Variants in PVT1 observed in about 807,000 individuals in gnomAD.
PVT1 encodes CXCR4/PVT1 fusion.
chr8:128,052,935 C>A (rs1474598557), intron 4 of PVT1, among the ~76,000 whole-genome samples: 1 of 152,236 alleles, frequency 6.6e-6, no homozygotes, highest in Non-Finnish European at 1.5e-5. Context: ...GATTTTAAAC[C>A]TCACAGTGGC....
intron 3 of PVT1, among the ~76,000 whole-genome samples, chr8:127,988,011 G>C (rs1042021137): frequency 1.3e-5 from 2 of 152,152 alleles, no homozygotes; most frequent in African/African-American, 4.8e-5. Flanking sequence ...GGGAGGAGGC[G>C]AGGACTCTGA....
chr8:128,094,626 G>A (rs79957048), intron 5 of PVT1, among the ~76,000 whole-genome samples: 2 of 152,210 alleles, frequency 1.3e-5, no homozygotes, highest in Non-Finnish European at 2.9e-5. Context: ...CCTACCCATC[G>A]TGTGTGGGTA....
At position 127,997,052 on chromosome 8, in the gene PVT1, TTTTTGTTTGTTTG is replaced by T. The variant is rs1159415055; in HGVS notation, n.912+7766_912+7778del. On this transcript the variant is annotated intron_variant and non_coding_transcript_variant, in intron 4 of 10. Transcript: ENST00000651587. ...ACTGGTCATTTGCTTTCGTTTTTTT[TTTTTGTTTGTTTG>T]TTTTTTGATACAGAGTTTCACTCTT... Among the ~76,000 whole-genome samples, 3 of 132,960 alleles carry T rather than the reference TTTTTGTTTGTTTG, an allele frequency of 2.3e-5. 1 individual carries two copies. Among genetic ancestry groups the T allele is most frequent in the Non-Finnish European group, 3.2e-5 (2 of 61,740 alleles). The allele number at this position is 132,960 out of a possible 152,430, so 87.2% of individuals were successfully genotyped here.
At chr8:127,948,078 C>T (rs1487321573) in intron 3 of PVT1, 1 of 378,606 alleles carries the variant, frequency 2.6e-6, no homozygotes, top group African/African-American at 2.1e-5. Context: ...TTTTAGCTTT[C>T]TTCTGCCAGC....
At chr8:128,056,068 C>A (rs1586500696) in intron 4 of PVT1, among the ~76,000 whole-genome samples, 1 of 152,164 alleles carries the variant, frequency 6.6e-6, no homozygotes, top group East Asian at 1.9e-4. Context: ...CTCTGCTTAA[C>A]CTCTTGGGTT....
chr8:127,829,912 T>A (rs1814831887), intron 2 of PVT1, among the ~76,000 whole-genome samples: 1 of 152,186 alleles, frequency 6.6e-6, no homozygotes, highest in Non-Finnish European at 1.5e-5. Context: ...TCTTCTTGCC[T>A]CCTCTTGGTT....
chr8:127,933,224 C>T (rs879651359), intron 3 of PVT1, among the ~76,000 whole-genome samples: 57 of 152,246 alleles, frequency 3.7e-4, no homozygotes, highest in Admixed American at 2.0e-3. Flanking sequence ...TACAGGCATG[C>T]GCCACCATAT....
At chr8:128,067,087 C>G (rs1813919929) in intron 4 of PVT1, among the ~76,000 whole-genome samples, 1 of 152,184 alleles carries the variant, frequency 6.6e-6, no homozygotes, top group Non-Finnish European at 1.5e-5. Flanking sequence ...TCTCCTGAAC[C>G]CAGACCACAC....
intron 4 of PVT1, among the ~76,000 whole-genome samples, chr8:128,029,628 C>G (rs185977201): frequency 6.6e-6 from 1 of 152,010 alleles, no homozygotes; most frequent in South Asian, 2.1e-4. Flanking sequence ...GGTGAAACAC[C>G]GTCTTTACTA....
At chr8:128,079,287 G>T (rs921525499) in intron 5 of PVT1, among the ~76,000 whole-genome samples, 3 of 152,122 alleles carry the variant, frequency 2.0e-5, no homozygotes, top group Non-Finnish European at 4.4e-5. Flanking sequence ...AGCTCTCTGT[G>T]TGTATGTAAA....
chr8:127,918,422 G>C (rs774356472), intron 3 of PVT1, among the ~76,000 whole-genome samples: 4 of 152,210 alleles, frequency 2.6e-5, no homozygotes, highest in Non-Finnish European at 5.9e-5. Context: ...TCCCTGATCT[G>C]TGTCCTCATT....
intron 4 of PVT1, among the ~76,000 whole-genome samples, chr8:128,044,017 T>TA (rs1312110938): frequency 1.6e-5 from 1 of 62,408 alleles, no homozygotes; most frequent in Middle Eastern, 0.014. Context: ...ATTTATTTAT[T>TA]TTTTTTTTTT....
At chr8:127,808,595 T>C (rs1350326532) in intron 2 of PVT1, among the ~76,000 whole-genome samples, 1 of 152,156 alleles carries the variant, frequency 6.6e-6, no homozygotes, top group Admixed American at 6.6e-5. Context: ...TTGACCTTTT[T>C]GTTGGGTAGA....
intron 4 of PVT1, among the ~76,000 whole-genome samples, chr8:128,047,296 G>C (rs1813627532): frequency 6.6e-6 from 1 of 152,206 alleles, no homozygotes; most frequent in Non-Finnish European, 1.5e-5. Context: ...AAGAGAGGTT[G>C]GTGTCTTGCT....
intron 3 of PVT1, among the ~76,000 whole-genome samples, chr8:127,956,215 G>T (rs1465869362): frequency 1.3e-5 from 2 of 152,258 alleles, no homozygotes; most frequent in African/African-American, 4.8e-5. Flanking sequence ...CTTAGTGCTT[G>T]TTCCACAGGA....
chr8:128,016,658 G>C (rs1371619965), intron 4 of PVT1, among the ~76,000 whole-genome samples: 1 of 152,184 alleles, frequency 6.6e-6, no homozygotes, highest in Non-Finnish European at 1.5e-5. Flanking sequence ...TTCTCCTACA[G>C]GCTCACCACA....
chr8:128,055,314 A>T (rs1057069053), intron 4 of PVT1, among the ~76,000 whole-genome samples: 1 of 152,216 alleles, frequency 6.6e-6, no homozygotes, highest in Admixed American at 6.5e-5. Flanking sequence ...TTAGAATGAG[A>T]CAGATTTAGG....
In PVT1 at chr8:127,884,208, G is replaced by T. The variant is rs79520733; in HGVS notation, n.373-6381G>T. ...CTAACCACACAGATTAGTTTAACCT[G>T]TTTATGTACTTAATCTAAATAACAT... is the stretch of plus-strand genomic sequence containing the variant. On this transcript the variant is annotated intron_variant and non_coding_transcript_variant, in intron 2 of 10. Coordinates refer to ENST00000651587, the Ensembl canonical transcript of PVT1. 5.4e-3 allele frequency among the ~76,000 whole-genome samples: 827 copies of T among 152,272 alleles called. 13 individuals carry two copies. The highest frequency in any genetic ancestry group is 0.019 in the African/African-American group (778 of 41,560).
chr8:128,080,444 T>C (rs1814161848), intron 5 of PVT1, among the ~76,000 whole-genome samples: 1 of 152,234 alleles, frequency 6.6e-6, no homozygotes, highest in South Asian at 2.1e-4. Flanking sequence ...TGTAGTGGTA[T>C]CTAATTGTTG....
Sources: allele counts gnomAD v4.1 joint callset (sites outside exome capture counted in the v4.1 genomes callset), GRCh38; gene constraint gnomAD v4.1.1; transcripts MANE v1.5; gene names NCBI Gene and HGNC (gene_info 2026-07-23, HGNC 2026-07-21).